Variants in CNTRL observed in about 807,000 individuals in gnomAD.
The protein encoded by CNTRL is centriolin, also known as 110 kDa centrosomal protein.
A neutral mutation model predicts 303.7 loss-of-function variants in CNTRL; 233 were observed. The observed-to-expected ratio is 0.77, with a 90% CI of 0.69 to 0.86. CNTRL has a LOEUF of 0.86. CNTRL is among the 40% of genes least tolerant of loss of function. CNTRL has a pLI of 0.00. For synonymous variants in CNTRL, 900 were observed against 922.2 expected, an observed-to-expected ratio of 0.98 and a Z score of 0.44; for missense variants, 2,524 against 2,650.6, an observed-to-expected ratio of 0.95 and a Z score of 1.05.
At chr9:121,125,353 G>A (rs2050456941) in intron 13 of CNTRL, among the ~76,000 whole-genome samples, 1 of 151,932 alleles carries the variant, frequency 6.6e-6, no homozygotes. Flanking sequence ...TAGAGACGGG[G>A]TTTCACTGTG....
chr9:121,121,007 T>G (rs545448289), intron 12 of CNTRL, among the ~76,000 whole-genome samples: 1 of 152,376 alleles, frequency 6.6e-6, no homozygotes, highest in East Asian at 1.9e-4. Context: ...CATCCCATTT[T>G]AGGCTACAAA....
At chr9:121,109,024 A>G (rs1013751813) in intron 8 of CNTRL, among the ~76,000 whole-genome samples, 2 of 152,148 alleles carry the variant, frequency 1.3e-5, no homozygotes. Context: ...GTATACAGTT[A>G]TTCCTCTGTA....
chr9:121,173,512 AAGGGTTTATCC>A lies in CNTRL; in HGVS notation c.6684+4_6684+14del, dbSNP rs746822096. 6 of 1,613,336 alleles carry A rather than the reference AAGGGTTTATCC, an allele frequency of 3.7e-6. No homozygotes were observed. The Admixed American group carries it at 1.0e-4, about 27-fold the overall frequency. ...ACTTTTCCCAAGTTCACATAATGGTAAGGGTTTATCCTGCTATTCTCTGGGTTCGTAGGATT... is the reference window on the plus strand; with the variant it reads ...ACTTTTCCCAAGTTCACATAATGGTATGCTATTCTCTGGGTTCGTAGGATT... On this transcript the variant is annotated splice_donor_5th_base_variant and intron_variant, in intron 41 of 43. Transcript: ENST00000373855.
chr9:121,157,634 T>G (rs1288705495), intron 28 of CNTRL, 34 bp downstream of exon 28: 1 of 1,606,926 alleles, frequency 6.2e-7, no homozygotes, highest in Admixed American at 1.7e-5. Context: ...GATGTATACA[T>G]TGAGATGAAT....
intron 42 of CNTRL, 122 bp downstream of exon 42, chr9:121,173,859 C>G (rs2053415614): frequency 1.1e-6 from 1 of 913,488 alleles, no homozygotes; most frequent in Non-Finnish European, 1.8e-6. Flanking sequence ...CCAGCAGTGT[C>G]AGGGATGGCA....
chr9:121,115,423 C>T (rs1052288785), intron 11 of CNTRL, among the ~76,000 whole-genome samples: 9 of 152,058 alleles, frequency 5.9e-5, no homozygotes, highest in African/African-American at 2.2e-4. Context: ...AAATAAATTA[C>T]TTAATTTTAT....
At position 121,147,730 on chromosome 9, in the gene CNTRL, C is replaced by T. The variant is rs1484349506; in HGVS notation, c.3460-942C>T. Among the ~76,000 whole-genome samples, 3 of 152,318 alleles carry T rather than the reference C, an allele frequency of 2.0e-5. No homozygotes were observed. The South Asian group carries it at 6.2e-4, about 32-fold the overall frequency. The stretch of plus-strand genomic sequence containing the variant: ...CCGATGAGCAATAGTCAGGGAGAAG[C>T]AGCTCAGACACACTAGGTTCTCAGG... On this transcript the variant is annotated intron_variant, in intron 23 of 43. Transcript: ENST00000373855.
intron 14 of CNTRL, among the ~76,000 whole-genome samples, chr9:121,128,251 A>C (rs1457399149): frequency 6.6e-6 from 1 of 152,152 alleles, no homozygotes; most frequent in Non-Finnish European, 1.5e-5. Context: ...ACTAGTTTAC[A>C]CTCCCACCAA....
At chr9:121,168,457 T>A in intron 38 of CNTRL, 136 bp downstream of exon 38, 1 of 676,286 alleles carries the variant, frequency 1.5e-6, no homozygotes, top group South Asian at 1.9e-5. Context: ...GCAGGAGGTA[T>A]GATAGCCCTG....
chr9:121,137,864 A>G (rs538589187), intron 15 of CNTRL, among the ~76,000 whole-genome samples: 1 of 152,254 alleles, frequency 6.6e-6, no homozygotes, highest in South Asian at 2.1e-4. Flanking sequence ...ATAAGTCTTG[A>G]CAAAATTATT....
intron 43 of CNTRL, among the ~76,000 whole-genome samples, chr9:121,176,932 A>T (rs996561982): frequency 1.3e-5 from 2 of 151,464 alleles, no homozygotes; most frequent in African/African-American, 4.9e-5. Context: ...GATGTTACAG[A>T]TTTTTTTTTA....
In CNTRL at chr9:121,096,972, T is replaced by G. The variant is rs185105920; in HGVS notation, c.621+409T>G. On this transcript the variant is annotated intron_variant, in intron 6 of 43. Coordinates refer to ENST00000373855, the MANE Select transcript of CNTRL (RefSeq NM_007018.6). Reference sequence around the variant, plus strand: ...ATGCCTAGAAGAAAGTTCTGGGTTTTTTTTTTTTTGACAGTATTAACTTCC... The same window carrying G: ...ATGCCTAGAAGAAAGTTCTGGGTTTGTTTTTTTTTGACAGTATTAACTTCC... Among the ~76,000 whole-genome samples, 211 of 152,102 alleles carry G rather than the reference T, an allele frequency of 1.4e-3. 2 individuals carry two copies. The highest frequency in any genetic ancestry group is 4.6e-3 in the African/African-American group (193 of 41,530).
intron 2 of CNTRL, among the ~76,000 whole-genome samples, chr9:121,088,093 A>G (rs747026100): frequency 1.3e-5 from 2 of 152,334 alleles, no homozygotes; most frequent in South Asian, 2.1e-4. Flanking sequence ...TGTCAATTCT[A>G]TCCCCTCTGG....
chr9:121,113,832 T>C, intron 10 of CNTRL, 108 bp downstream of exon 10: 3 of 654,224 alleles, frequency 4.6e-6, no homozygotes, highest in Non-Finnish European at 6.9e-6. Flanking sequence ...ATGGTATTGT[T>C]TCCATGAAAA....
chr9:121,148,726 T>C lies in CNTRL; in HGVS notation c.3514T>C (p.Ser1172Pro). 1 of 1,614,098 alleles carries C rather than the reference T, an allele frequency of 6.2e-7. No homozygotes were observed. ...TKDSGVGLKYSASTPVRKPRP... is the reference protein window; with the variant it reads ...TKDSGVGLKYPASTPVRKPRP... Reference sequence around the variant, plus strand: ...GGACTCTGGTGTTGGCCTTAAGTACTCAGCCTCAACTCCTGTTAGAAAACC... The same window carrying C: ...GGACTCTGGTGTTGGCCTTAAGTACCCAGCCTCAACTCCTGTTAGAAAACC... The change falls in exon 24 of 44, where the codon TCA becomes CCA. Residue 1172 changes from serine (S) to proline (P), a missense_variant. Ser to Pro is a moderately conservative substitution (Grantham distance 74). Transcript: ENST00000373855.
At chr9:121,151,387 C>CTTTTT (rs71370632) in intron 25 of CNTRL, among the ~76,000 whole-genome samples, 64 of 90,426 alleles carry the variant, frequency 7.1e-4, no homozygotes, top group African/African-American at 1.3e-3. Context: ...TTTTCTTCTT[C>CTTTTT]TTTTTTTTTT....
At chr9:121,128,367 G>A (rs1445735288) in intron 14 of CNTRL, among the ~76,000 whole-genome samples, 1 of 152,106 alleles carries the variant, frequency 6.6e-6, no homozygotes, top group Non-Finnish European at 1.5e-5. Flanking sequence ...TCTCATTGTG[G>A]TTTTGATTTG....
In CNTRL at chr9:121,090,389, G is replaced by A; in HGVS notation, c.332G>A (p.Gly111Asp). 2 of 1,609,774 alleles carry A rather than the reference G, an allele frequency of 1.2e-6. No homozygotes were observed. The highest frequency in any genetic ancestry group is 1.7e-6 in the Non-Finnish European group (2 of 1,178,518). Reference protein sequence around the residue: ...KSLNLSLSKDGGKKFKYIENL... With the variant: ...KSLNLSLSKDDGKKFKYIENL... ...CTGAACCTTTCACTTTCTAAAGACG[G>A]TGGCAAGAAATTTAAGGTAGGTTAC... Residue 111 changes from glycine to aspartate, a missense_variant, in exon 4 of 44, where the codon GGT becomes GAT. Physicochemically the swap from Gly to Asp is moderately conservative, Grantham distance 94. Coordinates refer to ENST00000373855, the MANE Select transcript of CNTRL (RefSeq NM_007018.6).
intron 2 of CNTRL, among the ~76,000 whole-genome samples, chr9:121,087,668 G>A (rs1172596219): frequency 1.3e-5 from 2 of 152,150 alleles, no homozygotes; most frequent in Non-Finnish European, 2.9e-5. Context: ...TCCAGCCTGG[G>A]CGACAAGAGT....
Sources: gnomAD v4.1 joint callset for allele counts (sites outside exome capture counted in the v4.1 genomes callset) on GRCh38, gnomAD v4.1.1 for gene constraint, MANE v1.5 for transcripts, NCBI Gene and HGNC (gene_info 2026-07-23, HGNC 2026-07-21) for gene names.